The following ADAMTSL3 variants were observed in gnomAD, a reference collection of about 807,000 sequenced individuals.
ADAMTSL3 encodes ADAMTS-like protein 3.
A neutral mutation model predicts 201.7 loss-of-function variants in ADAMTSL3; 128 were observed. The ratio of observed to expected loss-of-function variants is 0.63; its 90% CI spans 0.55 to 0.73. The LOEUF is 0.73. ADAMTSL3 is among the 30% of genes least tolerant of loss of function. The pLI is 0.00. For missense variants in ADAMTSL3, 1,990 were observed against 2,119.6 expected (o/e 0.94, Z 1.20); for synonymous variants, 738 against 748.4 (o/e 0.99, Z 0.23).
At chr15:83,852,199 G>A (rs1177172964) in intron 7 of ADAMTSL3, among the ~76,000 whole-genome samples, 2 of 122,616 alleles carry the variant, frequency 1.6e-5, no homozygotes, top group South Asian at 5.1e-4. Flanking sequence ...TATGACCCCC[G>A]CCTCCTGGGT....
chr15:83,916,157 T>C (rs2066028749), intron 16 of ADAMTSL3, among the ~76,000 whole-genome samples: 1 of 152,218 alleles, frequency 6.6e-6, no homozygotes, highest in Non-Finnish European at 1.5e-5. Context: ...AGAAATGCAA[T>C]GCAGTATTCA....
rs144792733 is a variant in ADAMTSL3, at chr15:83,820,001, G to A, written c.554G>A (p.Arg185His). The change falls in exon 6 of 30, where the codon CGT (arginine) becomes CAT (histidine). Residue 185 changes from arginine (R) to histidine (H), a missense_variant. Physicochemically the swap from Arg to His is conservative, Grantham distance 29. Transcript: ENST00000286744. ...GCACCTAAGGTACTGGATGGAACTC[G>A]TTGCAACACGGACTCCTTGGACATG... ...ELAPKVLDGT[R>H]CNTDSLDMCI... The A allele has an allele frequency of 7.1e-5, 114 of 1,614,120 alleles. No homozygotes were observed. The African/African-American group carries it at 1.1e-3, about 15-fold the overall frequency.
At chr15:83,753,024 G>A (rs1477194740) in intron 3 of ADAMTSL3, among the ~76,000 whole-genome samples, 3 of 152,096 alleles carry the variant, frequency 2.0e-5, no homozygotes, top group Non-Finnish European at 2.9e-5. Flanking sequence ...ATGAGTTTTC[G>A]TTTATCTTCC....
intron 9 of ADAMTSL3, among the ~76,000 whole-genome samples, chr15:83,884,171 G>A (rs1290430312): frequency 6.6e-6 from 1 of 151,926 alleles, no homozygotes; most frequent in East Asian, 1.9e-4. Flanking sequence ...GGGATTATAG[G>A]CGTGAGCCAC....
chr15:83,718,848 C>A (rs563532390), intron 3 of ADAMTSL3, among the ~76,000 whole-genome samples: 160 of 152,216 alleles, frequency 1.1e-3, no homozygotes, highest in African/African-American at 3.8e-3. Flanking sequence ...CAACTCATTA[C>A]ATTGAAAACA....
chr15:83,866,472 T>A (rs1030496665), intron 8 of ADAMTSL3, among the ~76,000 whole-genome samples: 43 of 152,198 alleles, frequency 2.8e-4, no homozygotes, highest in African/African-American at 7.7e-4. Context: ...ACATGGATGA[T>A]GCTGGCAACC....
At chr15:83,891,834 A>T (rs1490068184) in intron 12 of ADAMTSL3, among the ~76,000 whole-genome samples, 1 of 152,250 alleles carries the variant, frequency 6.6e-6, no homozygotes, top group African/African-American at 2.4e-5. Context: ...AAGGGTAAAT[A>T]GGGAAGGTAT....
chr15:83,719,939 G>T (rs1299221223), intron 3 of ADAMTSL3, among the ~76,000 whole-genome samples: 3 of 152,134 alleles, frequency 2.0e-5, no homozygotes, highest in African/African-American at 4.8e-5. Flanking sequence ...AAAATATTTG[G>T]CCTGGTGAGG....
intron 3 of ADAMTSL3, chr15:83,739,678 T>C (rs2062424357): frequency 8.4e-6 from 2 of 237,058 alleles, no homozygotes; most frequent in African/African-American, 4.5e-5. Context: ...TAAAAAATAG[T>C]CATGGATTGC....
chr15:83,977,892 G>A (rs1194627917), intron 20 of ADAMTSL3, among the ~76,000 whole-genome samples: 1 of 152,204 alleles, frequency 6.6e-6, no homozygotes, highest in Non-Finnish European at 1.5e-5. Context: ...CATCCCTGGT[G>A]GCCTCCTCTC....
At position 83,791,305 on chromosome 15, in the gene ADAMTSL3, G is replaced by A. The variant is rs1035420155; in HGVS notation, c.318-13345G>A. ...AATCTTGATCAAAAAGAACAAATCC[G>A]GAGGCGTTATACTACCTGACTTCAA... On this transcript the variant is annotated intron_variant, in intron 4 of 29. Transcript: ENST00000286744. Among the ~76,000 whole-genome samples, 16 of 152,214 alleles carry A rather than the reference G, an allele frequency of 1.1e-4. No individual in the cohort carries two copies. In the South Asian group the frequency reaches 2.7e-3, roughly 26 times the overall value.
At chr15:83,805,356 G>A (rs1057059932) in intron 5 of ADAMTSL3, among the ~76,000 whole-genome samples, 5 of 152,060 alleles carry the variant, frequency 3.3e-5, no homozygotes, top group African/African-American at 4.8e-5. Flanking sequence ...TTAAAAGTTC[G>A]AGACCAACCT....
chr15:83,827,061 T>C (rs1333381783), intron 6 of ADAMTSL3, among the ~76,000 whole-genome samples: 1 of 152,190 alleles, frequency 6.6e-6, no homozygotes, highest in Non-Finnish European at 1.5e-5. Context: ...GTATTTCTAG[T>C]TCTAGATCCC....
At chr15:83,745,554 C>T (rs1048609365) in intron 3 of ADAMTSL3, among the ~76,000 whole-genome samples, 3 of 152,070 alleles carry the variant, frequency 2.0e-5, no homozygotes, top group Non-Finnish European at 4.4e-5. Context: ...CACCCAAAAG[C>T]ACTTGCCCCG....
intron 2 of ADAMTSL3, among the ~76,000 whole-genome samples, chr15:83,674,426 T>C (rs1056125815): frequency 5.3e-5 from 8 of 151,780 alleles, no homozygotes; most frequent in Admixed American, 2.6e-4. Context: ...TAGTTGAGGG[T>C]ATTTGTTTGG....
chr15:83,949,601 A>G lies in ADAMTSL3; in HGVS notation c.2490+6519A>G, dbSNP rs542139560. Among the ~76,000 whole-genome samples, 67 of 152,206 alleles carry G rather than the reference A, an allele frequency of 4.4e-4. No individual in the cohort carries two copies. The South Asian group carries it at 0.012, about 26-fold the overall frequency. On this transcript the variant is annotated intron_variant, in intron 19 of 29. Coordinates refer to ENST00000286744, the MANE Select transcript of ADAMTSL3 (RefSeq NM_207517.3). ...GAACCTCCAAACTGTTCTCCATAGT[A>G]GTTGTTTTAATTAACATTCCCACCA...
chr15:83,861,818 A>G (rs1465648649), intron 8 of ADAMTSL3: 3 of 152,070 alleles, frequency 2.0e-5, no homozygotes, highest in Non-Finnish European at 4.4e-5. Context: ...CAATCAAACT[A>G]CTCCGAGCTA....
chr15:83,943,199 G>C, intron 19 of ADAMTSL3, 117 bp downstream of exon 19: 2 of 1,220,788 alleles, frequency 1.6e-6, no homozygotes, highest in Non-Finnish European at 2.2e-6. Flanking sequence ...GGGTCCTAGG[G>C]GGCCACATTT....
At chr15:83,917,985 T>C (rs775560700) in intron 16 of ADAMTSL3, among the ~76,000 whole-genome samples, 1 of 152,216 alleles carries the variant, frequency 6.6e-6, no homozygotes, top group Non-Finnish European at 1.5e-5. Context: ...ATTGGAATGC[T>C]ATTGATTATT....
Sources: gnomAD v4.1 joint callset for allele counts (sites outside exome capture counted in the v4.1 genomes callset) on GRCh38, gnomAD v4.1.1 for gene constraint, MANE v1.5 for transcripts, NCBI Gene and HGNC (gene_info 2026-07-23, HGNC 2026-07-21) for gene names.